PRSS57: variants seen among roughly 807,000 people sequenced by gnomAD.
PRSS57 encodes neutrophil serine protease 4.
A neutral mutation model predicts 20.6 loss-of-function variants in PRSS57; 19 were observed. The ratio of observed to expected loss-of-function variants is 0.92; its 90% CI spans 0.64 to 1.35. The LOEUF (loss-of-function observed/expected upper bound fraction) is 1.35. Among genes scored for constraint, PRSS57 ranks in the 40% most tolerant of loss-of-function variants. The pLI is 0.00. For synonymous variants in PRSS57, 203 were observed against 176.6 expected (o/e 1.15, Z -1.19); for missense variants, 440 against 403.7 (o/e 1.09, Z -0.77).
intron 2 of PRSS57, among the ~76,000 whole-genome samples, chr19:693,478 C>G (rs1413748880): frequency 6.6e-6 from 1 of 151,948 alleles, no homozygotes; most frequent in African/African-American, 2.4e-5. Context: ...AATGGAGGCC[C>G]AGTAATCCAT....
At chr19:687,294 A>G (rs1053109324) in intron 3 of PRSS57, 106 bp from the exon 4 acceptor site, 58 of 1,310,992 alleles carry the variant, frequency 4.4e-5, no homozygotes, top group South Asian at 1.6e-5. Context: ...AGCAAAATCA[A>G]TGGCGGCCAC....
At chr19:691,022 C>T (rs1227427275) in intron 3 of PRSS57, 1 of 381,014 alleles carries the variant, frequency 2.6e-6, no homozygotes, top group East Asian at 6.4e-5. Flanking sequence ...TTTGCCAAGG[C>T]CGCCTCTGAT....
At chr19:691,672 A>G (rs1215516979) in intron 3 of PRSS57, among the ~76,000 whole-genome samples, 186 bp downstream of exon 3, 4 of 151,444 alleles carry the variant, frequency 2.6e-5, no homozygotes, top group African/African-American at 9.7e-5. Flanking sequence ...TACAAAAATT[A>G]GATGGGCTTG....
intron 3 of PRSS57, among the ~76,000 whole-genome samples, chr19:688,433 C>T (rs1241140616): frequency 1.3e-5 from 2 of 151,526 alleles, no homozygotes; most frequent in African/African-American, 4.9e-5. Context: ...CTCCGCCTCC[C>T]GGGTTCAAGC....
intron 3 of PRSS57, chr19:690,584 A>G: frequency 7.8e-6 from 2 of 254,946 alleles, no homozygotes; most frequent in Non-Finnish European, 1.6e-5. Context: ...GGAATCTGAG[A>G]TCATTGACCT....
intron 4 of PRSS57, among the ~76,000 whole-genome samples, chr19:686,480 A>AG (rs1193866049): frequency 1.3e-5 from 2 of 152,070 alleles, no homozygotes; most frequent in Non-Finnish European, 2.9e-5. Context: ...GACTTTTCCA[A>AG]GGTCACGCAT....
At chr19:690,554 C>G (rs1439442452) in intron 3 of PRSS57, 5 of 261,378 alleles carry the variant, frequency 1.9e-5, no homozygotes, top group Non-Finnish European at 2.3e-5. Flanking sequence ...GGAGATCTGT[C>G]TCTTCTCCCT....
rs529103659 is a variant in PRSS57, at chr19:687,183, G to A, written c.384C>T (p.Asn128=). 113 of 1,537,682 alleles carry A rather than the reference G, an allele frequency of 7.3e-5. 2 individuals are homozygous for A. In the South Asian group the frequency reaches 7.7e-4, roughly 10 times the overall value. Residue 128 remains asparagine (N), a synonymous_variant, in exon 4 of 5, where the codon AAC becomes AAT. Coordinates refer to ENST00000329267, the MANE Select transcript of PRSS57 (RefSeq NM_001308209.2). ...CTGCAGGGCCCAGGACAGCAGAGCC[G>A]TTCAGCTGCAGGGAGAGCATGAGTT... The part of the protein sequence containing the change: ...HANDICLLRL[N]GSAVLGPAVG...
Position 687,193 on chromosome 19 carries a change from A to G in PRSS57, c.379-5T>C. ...CAGGACAGCAGAGCCGTTCAGCTGCAGGGAGAGCATGAGTTCAGGCCACTG... is the reference window on the plus strand; with the variant it reads ...CAGGACAGCAGAGCCGTTCAGCTGCGGGGAGAGCATGAGTTCAGGCCACTG... On this transcript the variant is annotated splice_region_variant and splice_polypyrimidine_tract_variant and intron_variant, in intron 3 of 4. Transcript: ENST00000329267. 1 of 1,517,234 alleles carries G rather than the reference A, an allele frequency of 6.6e-7. No individual in the cohort carries two copies. The highest frequency in any genetic ancestry group is 8.8e-7 in the Non-Finnish European group (1 of 1,130,236). The allele number at this position is 1,517,234 out of a possible 1,614,324, so 94.0% of individuals were successfully genotyped here.
Position 685,612 on chromosome 19 carries a change from C to T in PRSS57, c.*104G>A. 4 of 1,153,250 alleles carry T rather than the reference C, an allele frequency of 3.5e-6. No homozygotes were observed. The highest frequency in any genetic ancestry group is 4.8e-6 in the Non-Finnish European group (4 of 832,920). 71.4% of individuals were successfully genotyped at this position (1,153,250 alleles called of 1,614,324 possible). ...GTGGAATGGGTGTGCCCCACCGCTG[C>T]CCGTCCCACCCCAACCCTGAACATC... On this transcript the variant is annotated 3_prime_UTR_variant, in exon 5 of 5. Transcript: ENST00000329267.
chr19:691,461 C>A (rs559493526), intron 3 of PRSS57, among the ~76,000 whole-genome samples: 2 of 148,928 alleles, frequency 1.3e-5, no homozygotes, highest in South Asian at 4.2e-4. Context: ...GCCGAGATGG[C>A]GCCATTGCAC....
chr19:690,864 G>A (rs1477957908), intron 3 of PRSS57: 2 of 357,514 alleles, frequency 5.6e-6, no homozygotes, highest in African/African-American at 2.2e-5. Context: ...AAGGTGACAG[G>A]CCGCTGCGGC....
chr19:685,761 G>A lies in PRSS57; in HGVS notation c.804C>T (p.Pro268=), dbSNP rs146346253. 2,608 of 1,563,754 alleles carry A rather than the reference G, an allele frequency of 1.7e-3. 28 individuals carry two copies. The East Asian group carries it at 0.028, about 17-fold the overall frequency. Residue 268 remains proline (P), a synonymous_variant, in exon 5 of 5, where the codon CCC becomes CCT. Transcript: ENST00000329267. ...GCCTGGTGGTCCCAGGCAGGGGGCC[G>A]GGCTGGGGACTGCTCCGCCGAACCA... ...WDVVRRSSPQ[P]GPLPGTTRPP... is the part of the protein sequence containing the mutation.
At chr19:691,275 G>A (rs923616275) in intron 3 of PRSS57, 1 of 153,266 alleles carries the variant, frequency 6.5e-6, no homozygotes, top group Non-Finnish European at 1.5e-5. Context: ...GGAGGCTGAG[G>A]TGGGTGGATC....
chr19:694,973 G>T lies in PRSS57; in HGVS notation c.80-6C>A. 2 of 1,528,856 alleles carry T rather than the reference G, an allele frequency of 1.3e-6. No individual in the cohort carries two copies. The highest frequency in any genetic ancestry group is 1.8e-6 in the Non-Finnish European group (2 of 1,137,702). The allele number at this position is 1,528,856 out of a possible 1,614,324, so 94.7% of individuals were successfully genotyped here. ...GATCTGGGCCCCCCAGGAGCCTGCT[G>T]GAGGGACGGCCTGAGTCAGGGACGA... is the stretch of plus-strand genomic sequence containing the variant. On this transcript the variant is annotated splice_polypyrimidine_tract_variant and splice_region_variant and intron_variant, in intron 1 of 4. Coordinates refer to ENST00000329267, the MANE Select transcript of PRSS57 (RefSeq NM_001308209.2).
intron 2 of PRSS57, 79 bp downstream of exon 2, chr19:694,735 C>T: frequency 2.7e-6 from 4 of 1,469,326 alleles, no homozygotes; most frequent in Non-Finnish European, 3.6e-6. Flanking sequence ...ACGGCGCCCC[C>T]AGCTCCCCCA....
chr19:689,764 T>C (rs1334235361), intron 3 of PRSS57, among the ~76,000 whole-genome samples: 1 of 150,996 alleles, frequency 6.6e-6, no homozygotes. Context: ...ACTAAAAATA[T>C]AAAAATTCGC....
At position 685,683 on chromosome 19, in the gene PRSS57, G is replaced by A. The variant is rs1445256219; in HGVS notation, c.*33C>T. On this transcript the variant is annotated 3_prime_UTR_variant, in exon 5 of 5. Transcript: ENST00000329267. ...CCACGGAACATTCCAGGCCTGGAGC[G>A]GCCATCTCATTTGCATGCCGCAAGG... 2.2e-5 allele frequency: 33 copies of A among 1,488,382 alleles called. No individual in the cohort carries two copies. Among genetic ancestry groups the A allele is most frequent in the African/African-American group, 2.8e-5 (2 of 71,472 alleles). The allele number at this position is 1,488,382 out of a possible 1,614,324, so 92.2% of individuals were successfully genotyped here.
chr19:689,131 AG>A, intron 3 of PRSS57, among the ~76,000 whole-genome samples: 1 of 109,474 alleles, frequency 9.1e-6, no homozygotes, highest in African/African-American at 3.5e-5. Flanking sequence ...TCCAGGGGTT[AG>A]CAGGTGACGA....
Sources: gnomAD v4.1 joint callset for allele counts (sites outside exome capture counted in the v4.1 genomes callset) on GRCh38, gnomAD v4.1.1 for gene constraint, MANE v1.5 for transcripts, NCBI Gene and HGNC (gene_info 2026-07-23, HGNC 2026-07-21) for gene names.